The following TPD52L1 variants were observed in gnomAD, a reference collection of about 807,000 sequenced individuals.
The protein encoded by TPD52L1 is tumor protein D53.
TPD52L1 carries 18 observed loss-of-function variants against 28.7 expected under a neutral mutation model. The ratio of observed to expected loss-of-function variants is 0.63; its 90% CI spans 0.43 to 0.93. The LOEUF (loss-of-function observed/expected upper bound fraction) is 0.93, where lower values mean the gene tolerates loss of function less well. Among genes scored for constraint, TPD52L1 ranks in the 40% least tolerant of loss-of-function variants. TPD52L1 has a pLI of 0.00. For missense variants in TPD52L1, 203 were observed against 254.8 expected (o/e 0.80, Z 1.39); for synonymous variants, 75 against 88.8 (o/e 0.84, Z 0.88).
chr6:125,214,265 G>A (rs1260712793), intron 1 of TPD52L1, among the ~76,000 whole-genome samples: 2 of 152,134 alleles, frequency 1.3e-5, no homozygotes, highest in Non-Finnish European at 2.9e-5. Context: ...GGTAGAGGAG[G>A]GTAGAGAGTG....
chr6:125,186,721 A>G (rs1040707497), intron 1 of TPD52L1, among the ~76,000 whole-genome samples: 98 of 152,322 alleles, frequency 6.4e-4, no homozygotes, highest in African/African-American at 2.3e-3. Flanking sequence ...ATAGCTAAGC[A>G]CTATGTGACA....
intron 3 of TPD52L1, among the ~76,000 whole-genome samples, chr6:125,230,312 T>C (rs1795875307): frequency 6.6e-6 from 1 of 152,176 alleles, no homozygotes; most frequent in Non-Finnish European, 1.5e-5. Context: ...TGTGATGTGA[T>C]TTTTCTTCTT....
At chr6:125,249,258 TCA>T (rs973623552) in intron 4 of TPD52L1, among the ~76,000 whole-genome samples, 28 of 151,918 alleles carry the variant, frequency 1.8e-4, no homozygotes, top group African/African-American at 6.8e-4. Flanking sequence ...TCTTTAGAAA[TCA>T]GTTTCATTTT....
At chr6:125,187,504 T>A (rs1792721698) in intron 1 of TPD52L1, among the ~76,000 whole-genome samples, 1 of 152,050 alleles carries the variant, frequency 6.6e-6, no homozygotes. Context: ...CAGAAAAAAA[T>A]AAAATAAAAT....
At chr6:125,203,834 C>G (rs1011105782) in intron 1 of TPD52L1, 42 of 973,988 alleles carry the variant, frequency 4.3e-5, no homozygotes, top group Non-Finnish European at 4.9e-5. Context: ...CTGATGTCTT[C>G]TATACTTGTT....
intron 3 of TPD52L1, among the ~76,000 whole-genome samples, chr6:125,247,235 C>G (rs1562374047): frequency 6.6e-6 from 1 of 151,856 alleles, no homozygotes; most frequent in African/African-American, 2.4e-5. Flanking sequence ...TACCTGGGAG[C>G]AGCATAAATC....
chr6:125,158,840 T>G (rs184359781), intron 1 of TPD52L1, among the ~76,000 whole-genome samples: 1 of 152,276 alleles, frequency 6.6e-6, no homozygotes, highest in African/African-American at 2.4e-5. Flanking sequence ...GTCACACACG[T>G]TTTTTGGTTT....
At chr6:125,225,109 T>C (rs575424745) in intron 2 of TPD52L1, among the ~76,000 whole-genome samples, 1 of 152,346 alleles carries the variant, frequency 6.6e-6, no homozygotes, top group East Asian at 1.9e-4. Context: ...TATGGGACCT[T>C]TTGTGTCTGG....
At chr6:125,172,551 T>TATATATATAA (rs533258594) in intron 1 of TPD52L1, among the ~76,000 whole-genome samples, 16 of 83,836 alleles carry the variant, frequency 1.9e-4, no homozygotes, top group African/African-American at 7.6e-4. Flanking sequence ...TATATATATA[T>TATATATATAA]AATATATATA....
rs1461863482 is a variant in TPD52L1 at position 125,263,132 on chromosome 6, T to A, written c.*170T>A. The A allele has an allele frequency of 1.1e-5, 8 of 761,866 alleles. No individual in the cohort carries two copies. The highest frequency in any genetic ancestry group is 6.5e-5 in the Admixed American group (2 of 30,962). The allele number at this position is 761,866 out of a possible 1,614,324, so 47.2% of individuals were successfully genotyped here. A position where few individuals can be genotyped will look rare whatever the true frequency, so the allele number is the denominator to read the frequency against. On this transcript the variant is annotated 3_prime_UTR_variant, in exon 7 of 7. Coordinates refer to ENST00000534000, the MANE Select transcript of TPD52L1 (RefSeq NM_003287.4). ...TAATGATTTCCATTTGTATTTGTGT[T>A]GATGATGGACCACTTGACCATCACA... is the stretch of plus-strand genomic sequence containing the variant.
chr6:125,164,069 G>A (rs556040098), intron 1 of TPD52L1, among the ~76,000 whole-genome samples: 12 of 152,258 alleles, frequency 7.9e-5, no homozygotes, highest in African/African-American at 2.6e-4. Flanking sequence ...TGTTGGAGTT[G>A]GGATTTGAAA....
intron 1 of TPD52L1, among the ~76,000 whole-genome samples, chr6:125,182,730 G>T (rs2114825935): frequency 6.6e-6 from 1 of 152,296 alleles, no homozygotes; most frequent in Middle Eastern, 3.4e-3. Flanking sequence ...AGTAAATATT[G>T]CCATACAGGA....
intron 1 of TPD52L1, among the ~76,000 whole-genome samples, chr6:125,155,923 C>A (rs480909): frequency 0.46 from 69,973 of 151,458 alleles, 16,764 homozygotes; most frequent in African/African-American, 0.6. Context: ...CAATTTTTGC[C>A]ATGACTTTTT....
intron 6 of TPD52L1, chr6:125,259,966 G>A (rs1309718939): frequency 6.6e-6 from 1 of 152,206 alleles, no homozygotes; most frequent in Non-Finnish European, 1.5e-5. Context: ...TACGTGGTTA[G>A]GAATATCTTT....
intron 1 of TPD52L1, among the ~76,000 whole-genome samples, chr6:125,209,506 C>A (rs541040256): frequency 6.6e-6 from 1 of 152,358 alleles, no homozygotes; most frequent in African/African-American, 2.4e-5. Context: ...TCTCTCTATG[C>A]ATGTAGAGAA....
At chr6:125,224,473 C>T (rs182997222) in intron 2 of TPD52L1, among the ~76,000 whole-genome samples, 6 of 146,268 alleles carry the variant, frequency 4.1e-5, no homozygotes, top group Non-Finnish European at 6.1e-5. Flanking sequence ...CTCTGGGCCT[C>T]TCTCTCTCTC....
chr6:125,169,058 C>T (rs902098773), intron 1 of TPD52L1, among the ~76,000 whole-genome samples: 1 of 152,124 alleles, frequency 6.6e-6, no homozygotes, highest in Non-Finnish European at 1.5e-5. Context: ...CTCTCTCTCT[C>T]AAAGTACCAA....
At chr6:125,166,985 G>A (rs1291942187) in intron 1 of TPD52L1, among the ~76,000 whole-genome samples, 1 of 152,078 alleles carries the variant, frequency 6.6e-6, no homozygotes, top group Non-Finnish European at 1.5e-5. Flanking sequence ...GGCTGGGTAG[G>A]GTGGCTCATG....
At chr6:125,179,186 T>G (rs1562229107) in intron 1 of TPD52L1, among the ~76,000 whole-genome samples, 1 of 152,246 alleles carries the variant, frequency 6.6e-6, no homozygotes, top group African/African-American at 2.4e-5. Flanking sequence ...CCAGTCACTT[T>G]CCTGATTAAT....
Sources: gnomAD v4.1 joint callset for allele counts (sites outside exome capture counted in the v4.1 genomes callset) on GRCh38, gnomAD v4.1.1 for gene constraint, MANE v1.5 for transcripts, NCBI Gene and HGNC (gene_info 2026-07-23, HGNC 2026-07-21) for gene names.